Variants in GPR157 observed in about 807,000 individuals in gnomAD.
GPR157 encodes the protein G protein-coupled receptor 157, also known as G-protein coupled receptor 157.
In GPR157, 16 loss-of-function variants were observed where a neutral mutation model predicts 23.5. That is an observed-to-expected ratio of 0.68 (90% CI 0.46 to 1.04). GPR157 has a LOEUF of 1.04. Among genes scored for constraint, GPR157 ranks in the 50% least tolerant of loss-of-function variants. The pLI, the probability that GPR157 is intolerant of heterozygous loss-of-function variation, is 0.00. For synonymous variants in GPR157, 200 were observed against 221.5 expected (o/e 0.90, Z 0.86); for missense variants, 440 against 460.7 (o/e 0.96, Z 0.41).
chr1:9,120,958 A>G lies in GPR157; in HGVS notation c.383+7687T>C, dbSNP rs181336073. On this transcript the variant is annotated intron_variant, in intron 1 of 3. Coordinates refer to ENST00000377411, the MANE Select transcript of GPR157 (RefSeq NM_024980.5). This position sits in a 1 kb window ranked among gnomAD's most constrained non-coding sequence, Gnocchi z 4.1. ...CATGTGGCCACTGCATCCATCCCTC[A>G]TTCAGATGCCACTGCCTGGGGAGAC... 1.3e-4 allele frequency among the ~76,000 whole-genome samples: 20 copies of G among 152,342 alleles called. No homozygotes were observed. The highest frequency in any genetic ancestry group is 4.8e-4 in the African/African-American group (20 of 41,588).
At chr1:9,107,330 G>T (rs918656668) in intron 2 of GPR157, among the ~76,000 whole-genome samples, 1 of 152,186 alleles carries the variant, frequency 6.6e-6, no homozygotes, top group Non-Finnish European at 1.5e-5. Context: ...AGATGAAACT[G>T]CTCATGATGA....
In GPR157 at chr1:9,111,257, C is replaced by T; in HGVS notation, c.597+19G>A. 6.2e-7 allele frequency: 1 copy of T among 1,611,660 alleles called. No homozygotes were observed. The highest frequency in any genetic ancestry group is 8.5e-7 in the Non-Finnish European group (1 of 1,177,980). On this transcript the variant is annotated intron_variant, in intron 2 of 3. Transcript: ENST00000377411. ...CAGCGGCCATGCAGAGGGCCCTGAG[C>T]TCTAAGGGCAGCGCCTACCGCTCTG...
chr1:9,105,034 A>AACACACACACACACACAC lies in GPR157; in HGVS notation c.793-418_793-401dup, dbSNP rs199973020. 8.5e-6 allele frequency among the ~76,000 whole-genome samples: 1 copy of AACACACACACACACACAC among 116,966 alleles called. No individual in the cohort carries two copies. The highest frequency in any genetic ancestry group is 1.7e-5 in the Non-Finnish European group (1 of 57,554). The allele number at this position is 116,966 out of a possible 152,430, so 76.7% of individuals were successfully genotyped here. On this transcript the variant is annotated intron_variant, in intron 3 of 3. Coordinates refer to ENST00000377411, the MANE Select transcript of GPR157 (RefSeq NM_024980.5). This position sits in a 1 kb window ranked among gnomAD's most constrained non-coding sequence, Gnocchi z 4.8. Reference sequence around the variant, plus strand: ...CCCCAAAAAAGAGAAATGGCTGAGAAACACACACACACACACACACACACA... The same window carrying AACACACACACACACACAC: ...CCCCAAAAAAGAGAAATGGCTGAGAAACACACACACACACACACACACACACACACACACACACACACA...
chr1:9,106,435 A>G (rs1456610918), intron 2 of GPR157, among the ~76,000 whole-genome samples: 1 of 152,014 alleles, frequency 6.6e-6, no homozygotes, highest in Non-Finnish European at 1.5e-5. Context: ...CCCACTCCAC[A>G]TGCTCCTTAC....
rs970347415 is a variant in GPR157, at chr1:9,118,521, T to C, written c.384-7032A>G. Among the ~76,000 whole-genome samples, 6 of 152,100 alleles carry C rather than the reference T, an allele frequency of 3.9e-5. No individual in the cohort carries two copies. The highest frequency in any genetic ancestry group is 1.4e-4 in the African/African-American group (6 of 41,402). ...AGGTACCTGGGCCCCAGTTCCAACT[T>C]GTATTTGCCTAGAAATGAAAGCCAG... On this transcript the variant is annotated intron_variant, in intron 1 of 3. Transcript: ENST00000377411. The surrounding 1 kb of genome is among the most constrained non-coding windows in gnomAD (Gnocchi z 4.6).
At chr1:9,126,303 C>T (rs898438027) in intron 1 of GPR157, among the ~76,000 whole-genome samples, 10 of 152,140 alleles carry the variant, frequency 6.6e-5, no homozygotes, top group Admixed American at 2.6e-4. Context: ...GGAAATGGTA[C>T]CTTACTGTTA....
chr1:9,114,046 C>T (rs1409018362), intron 1 of GPR157, among the ~76,000 whole-genome samples: 6 of 150,744 alleles, frequency 4.0e-5, no homozygotes, highest in East Asian at 2.0e-4. Flanking sequence ...ACAGGCCAGG[C>T]GAGGTGGCTC....
rs1245003154 is a variant in GPR157, at chr1:9,129,088, A to T, written c.-61T>A. 55 of 1,201,650 alleles carry T rather than the reference A, an allele frequency of 4.6e-5. No homozygotes were observed. The highest frequency in any genetic ancestry group is 5.6e-5 in the Non-Finnish European group (54 of 969,620). 74.4% of individuals were successfully genotyped at this position (1,201,650 alleles called of 1,614,324 possible). On this transcript the variant is annotated 5_prime_UTR_variant, in exon 1 of 4. Transcript: ENST00000377411. Reference sequence around the variant, plus strand: ...CAGAAGCCGGGCCGCGCGTGCGGCCACGCCGCCGCCGTCTGGGCACCGAGG... The same window carrying T: ...CAGAAGCCGGGCCGCGCGTGCGGCCTCGCCGCCGCCGTCTGGGCACCGAGG...
In GPR157 at chr1:9,124,906, T is replaced by C. The variant is rs1255558646; in HGVS notation, c.383+3739A>G. On this transcript the variant is annotated intron_variant, in intron 1 of 3. Coordinates refer to ENST00000377411, the MANE Select transcript of GPR157 (RefSeq NM_024980.5). ...TTCATCACCATGTGACCGTCTCACC[T>C]CATAATCAAATGACCCTAAATCCCT... Among the ~76,000 whole-genome samples the C allele has an allele frequency of 2.6e-5, 4 of 152,322 alleles. No homozygotes were observed. In the East Asian group the frequency reaches 7.7e-4, roughly 29 times the overall value.
chr1:9,128,606 G>A lies in GPR157; in HGVS notation c.383+39C>T, dbSNP rs758274383. 1 of 1,596,656 alleles carries A rather than the reference G, an allele frequency of 6.3e-7. No individual in the cohort carries two copies. Among genetic ancestry groups the A allele is most frequent in the East Asian group, 2.2e-5 (1 of 44,632 alleles). On this transcript the variant is annotated intron_variant, in intron 1 of 3. Coordinates refer to ENST00000377411, the MANE Select transcript of GPR157 (RefSeq NM_024980.5). The surrounding 1 kb of genome is among the most constrained non-coding windows in gnomAD (Gnocchi z 6.3). Reference sequence around the variant, plus strand: ...GCAAGACCGGGAGGGGTCGGCCTGTGTCGGGGGCTCCTGGAAAAGCAGCGC... The same window carrying A: ...GCAAGACCGGGAGGGGTCGGCCTGTATCGGGGGCTCCTGGAAAAGCAGCGC...
intron 1 of GPR157, among the ~76,000 whole-genome samples, chr1:9,123,024 C>T (rs923258959): frequency 3.3e-5 from 5 of 150,876 alleles, no homozygotes; most frequent in East Asian, 3.9e-4. Flanking sequence ...GGCATGGTGG[C>T]GCATGCCTGT....
chr1:9,114,441 G>C (rs544552734), intron 1 of GPR157, among the ~76,000 whole-genome samples: 2 of 152,098 alleles, frequency 1.3e-5, no homozygotes, highest in South Asian at 4.1e-4. Context: ...AAGGAATTCT[G>C]GGAAGGAGGT....
At chr1:9,125,833 G>A (rs1254931685) in intron 1 of GPR157, among the ~76,000 whole-genome samples, 2 of 152,054 alleles carry the variant, frequency 1.3e-5, no homozygotes, top group African/African-American at 4.8e-5. Flanking sequence ...ATTAGACTAG[G>A]CTTTGGTAAA....
At position 9,123,430 on chromosome 1, in the gene GPR157, ATATT is replaced by A. The variant is rs1389371236; in HGVS notation, c.383+5211_383+5214del. 9.2e-4 allele frequency among the ~76,000 whole-genome samples: 107 copies of A among 115,904 alleles called. 1 individual carries two copies. In the East Asian group the frequency reaches 0.013, roughly 14 times the overall value. The allele number at this position is 115,904 out of a possible 152,430, so 76.0% of individuals were successfully genotyped here. A position where few individuals can be genotyped will look rare whatever the true frequency, so the allele number is the denominator to read the frequency against. ...AATTTAAATACATATTAAAATATAT[ATATT>A]TAATTTAAATACATATTAAAATATA... On this transcript the variant is annotated intron_variant, in intron 1 of 3. Transcript: ENST00000377411.
At chr1:9,119,675 G>A (rs1480696213) in intron 1 of GPR157, among the ~76,000 whole-genome samples, 1 of 152,144 alleles carries the variant, frequency 6.6e-6, no homozygotes, top group African/African-American at 2.4e-5. Context: ...GGGATGACTT[G>A]GAAACTCCCT....
At chr1:9,112,869 T>G (rs1438388484) in intron 1 of GPR157, among the ~76,000 whole-genome samples, 1 of 152,176 alleles carries the variant, frequency 6.6e-6, no homozygotes, top group Non-Finnish European at 1.5e-5. Flanking sequence ...ACACAAAGGC[T>G]ATAGTGGCTC....
intron 1 of GPR157, among the ~76,000 whole-genome samples, chr1:9,122,004 G>C (rs940429482): frequency 8.5e-5 from 13 of 152,176 alleles, no homozygotes; most frequent in African/African-American, 3.1e-4. Flanking sequence ...CCATACAGCT[G>C]ATGCCTGGCC....
chr1:9,115,750 C>A (rs1452323748), intron 1 of GPR157, among the ~76,000 whole-genome samples: 1 of 151,924 alleles, frequency 6.6e-6, no homozygotes, highest in Non-Finnish European at 1.5e-5. Context: ...TTAATCTATA[C>A]CTTTAATGTC....
intron 1 of GPR157, among the ~76,000 whole-genome samples, chr1:9,119,562 T>C (rs377478924): frequency 1.0e-3 from 156 of 152,268 alleles, no homozygotes; most frequent in African/African-American, 3.5e-3. Context: ...GCTGTGGTAC[T>C]TTGTTAGGGC....
Sources: gnomAD v4.1 joint callset for allele counts (sites outside exome capture counted in the v4.1 genomes callset) on GRCh38, gnomAD v4.1.1 for gene constraint, Gnocchi (gnomAD v3.1) non-coding constraint, MANE v1.5 for transcripts, NCBI Gene and HGNC (gene_info 2026-07-23, HGNC 2026-07-21) for gene names.